Variants in ZCCHC2 observed in about 807,000 individuals in gnomAD.
ZCCHC2 encodes zinc finger CCHC-type containing 2, also known as zinc finger CCHC domain-containing protein 2.
A neutral mutation model predicts 103.6 loss-of-function variants in ZCCHC2; 39 were observed. That is an observed-to-expected ratio of 0.38 (90% CI 0.29 to 0.49). The LOEUF (loss-of-function observed/expected upper bound fraction) is 0.49, where lower values mean the gene tolerates loss of function less well. Ranked by LOEUF, ZCCHC2 falls within the 20% of genes least tolerant of loss-of-function variation. The pLI is 0.96. For synonymous variants in ZCCHC2, 687 were observed against 608.9 expected (o/e 1.13, Z -1.89); for missense variants, 1,483 against 1,491.0 (o/e 0.99, Z 0.09).
In ZCCHC2 at chr18:62,575,611, T is replaced by A; in HGVS notation, c.3469+61T>A. 5 of 1,535,544 alleles carry A rather than the reference T, an allele frequency of 3.3e-6. No individual in the cohort carries two copies. In the South Asian group the frequency reaches 6.2e-5, roughly 19 times the overall value. On this transcript the variant is annotated intron_variant, in intron 13 of 13. Transcript: ENST00000269499. ...GTTCACTCATTTCTCCTTCCTTTCC[T>A]TATTGATCATGGGATTCTGTTGTAG... is the stretch of plus-strand genomic sequence containing the variant.
At position 62,574,444 on chromosome 18, in the gene ZCCHC2, T is replaced by C; in HGVS notation, c.2363T>C (p.Leu788Ser). 1 of 1,614,024 alleles carries C rather than the reference T, an allele frequency of 6.2e-7. No homozygotes were observed. The highest frequency in any genetic ancestry group is 8.5e-7 in the Non-Finnish European group (1 of 1,179,904). ...CTGESEKHLE[L>S]LASPLPIPST... ...GGAGAATCGGAAAAGCACCTTGAGT[T>C]ACTGGCTTCCCCTTTACCTATTCCA... is the stretch of plus-strand genomic sequence containing the variant. Residue 788 changes from leucine (L) to serine (S), a missense_variant, in exon 13 of 14, where the codon TTA becomes TCA. Physicochemically the swap from Leu to Ser is moderately radical, Grantham distance 145. Transcript: ENST00000269499.
At position 62,523,830 on chromosome 18, in the gene ZCCHC2, G is replaced by T; in HGVS notation, c.406G>T (p.Asp136Tyr). Residue 136 changes from aspartate to tyrosine, a missense_variant, in exon 1 of 14, where the codon GAC becomes TAC. Asp to Tyr is a radical substitution (Grantham distance 160). Around this residue, in one of 3 missense-constraint regions of ZCCHC2, gnomAD observed 568 missense variants for 525.1 expected, o/e 1.08. Transcript: ENST00000269499. ...GCGCTTCCTTGGCTCGTGCCTGGAG[G>T]ACCTGGCGCGCAAGGACTACCACTA... The part of the protein sequence containing the change: ...ELRFLGSCLE[D>Y]LARKDYHYLR... 1 of 1,544,748 alleles carries T rather than the reference G, an allele frequency of 6.5e-7. No individual in the cohort carries two copies. Among genetic ancestry groups the T allele is most frequent in the Non-Finnish European group, 8.7e-7 (1 of 1,146,330 alleles).
rs538770563 is a variant in ZCCHC2, at chr18:62,526,602, G to A, written c.939+2239G>A. ...TCATTCGCTGCAGTCCGGCCCAGCT[G>A]TTCTCGGCCTCCCGCCGCCGCCGCC... On this transcript the variant is annotated intron_variant, in intron 1 of 13. Coordinates refer to ENST00000269499, the MANE Select transcript of ZCCHC2 (RefSeq NM_017742.6). Among the ~76,000 whole-genome samples, 766 of 152,306 alleles carry A rather than the reference G, an allele frequency of 5.0e-3. 5 individuals carry two copies. The highest frequency in any genetic ancestry group is 0.017 in the African/African-American group (724 of 41,568).
Position 62,574,939 on chromosome 18 carries a change from C to T in ZCCHC2, c.2858C>T (p.Ala953Val), listed in dbSNP as rs1174125453. 3.1e-6 allele frequency: 5 copies of T among 1,613,740 alleles called. No individual in the cohort carries two copies. In the African/African-American group the frequency reaches 6.7e-5, roughly 22 times the overall value. ...CCAGCGAGCGCAGGTATCAGCCAGGCCCAGGCAACTGTTCCTCCTGCAGTT... is the reference window on the plus strand; with the variant it reads ...CCAGCGAGCGCAGGTATCAGCCAGGTCCAGGCAACTGTTCCTCCTGCAGTT... ...PQPASAGISQ[A>V]QATVPPAVPT... Residue 953 changes from alanine (A) to valine (V), a missense_variant, in exon 13 of 14, where the codon GCC (alanine) becomes GTC (valine). By Grantham distance (64) the Ala-to-Val change is moderately conservative. Around this residue, in one of 3 missense-constraint regions of ZCCHC2, gnomAD observed 884 missense variants for 907.5 expected, o/e 0.97. Transcript: ENST00000269499.
intron 6 of ZCCHC2, among the ~76,000 whole-genome samples, chr18:62,558,130 G>T (rs1434635975): frequency 2.6e-5 from 4 of 152,012 alleles, no homozygotes; most frequent in Non-Finnish European, 5.9e-5. Flanking sequence ...TCCTGAATGA[G>T]TTAAGATGTT....
chr18:62,549,151 G>GGAGCTTGCAGTGAGCC (rs1401889684), intron 4 of ZCCHC2, among the ~76,000 whole-genome samples: 1 of 150,690 alleles, frequency 6.6e-6, no homozygotes, highest in Non-Finnish European at 1.5e-5. Context: ...CCCGGGAGGT[G>GGAGCTTGCAGTGAGCC]GAGCTTGCAG....
intron 1 of ZCCHC2, chr18:62,526,995 C>T (rs1470697840): frequency 9.2e-6 from 1 of 108,892 alleles, no homozygotes. Flanking sequence ...AAGGGAAATT[C>T]GTGTGGCAGC....
intron 11 of ZCCHC2, among the ~76,000 whole-genome samples, chr18:62,565,724 C>T (rs1377092046): frequency 1.3e-5 from 2 of 152,146 alleles, no homozygotes; most frequent in East Asian, 3.8e-4. Context: ...AGCACGCAGA[C>T]CTCTAGGAGA....
chr18:62,575,580 T>A, intron 13 of ZCCHC2, 30 bp downstream of exon 13: 1 of 1,590,832 alleles, frequency 6.3e-7, no homozygotes, highest in Non-Finnish European at 8.6e-7. Flanking sequence ...GAGGACTTGT[T>A]TTTGAGTTCA....
intron 7 of ZCCHC2, among the ~76,000 whole-genome samples, chr18:62,559,030 T>G (rs1916008897): frequency 6.6e-6 from 1 of 152,232 alleles, no homozygotes; most frequent in African/African-American, 2.4e-5. Context: ...AAAATAGGTA[T>G]AATTAGATTC....
intron 1 of ZCCHC2, among the ~76,000 whole-genome samples, chr18:62,535,846 A>G (rs142177532): frequency 1.3e-5 from 2 of 152,308 alleles, no homozygotes; most frequent in African/African-American, 4.8e-5. Context: ...GTTGTTATAT[A>G]TTGCTGTTAA....
intron 9 of ZCCHC2, 49 bp from the exon 10 acceptor site, chr18:62,564,522 C>T (rs779507905): frequency 2.4e-5 from 32 of 1,343,132 alleles, no homozygotes; most frequent in Non-Finnish European, 3.2e-5. Flanking sequence ...GTAAAAACGT[C>T]AAAATGGTTT....
chr18:62,536,587 T>C (rs536116890), intron 1 of ZCCHC2, among the ~76,000 whole-genome samples: 2 of 152,148 alleles, frequency 1.3e-5, no homozygotes, highest in East Asian at 1.9e-4. Flanking sequence ...AAAGAGGGAG[T>C]GCAGGGCAGA....
At chr18:62,561,826 C>G (rs1335889584) in intron 8 of ZCCHC2, among the ~76,000 whole-genome samples, 1 of 152,168 alleles carries the variant, frequency 6.6e-6, no homozygotes, top group East Asian at 1.9e-4. Flanking sequence ...CAGCAGTTTT[C>G]CTAGCTTCCT....
At chr18:62,566,652 T>C (rs1231198523) in intron 11 of ZCCHC2, among the ~76,000 whole-genome samples, 1 of 152,224 alleles carries the variant, frequency 6.6e-6, no homozygotes, top group Non-Finnish European at 1.5e-5. Flanking sequence ...TGCAACTGTT[T>C]TTTCGATGTT....
chr18:62,583,407 T>C (rs1917086133), downstream of ZCCHC2, among the ~76,000 whole-genome samples: 1 of 152,196 alleles, frequency 6.6e-6, no homozygotes, highest in Non-Finnish European at 1.5e-5. Flanking sequence ...ATTTAATTTT[T>C]TATGTAAGCA....
At chr18:62,563,981 G>A (rs1366196924) in intron 9 of ZCCHC2, among the ~76,000 whole-genome samples, 2 of 152,106 alleles carry the variant, frequency 1.3e-5, no homozygotes, top group African/African-American at 4.8e-5. Flanking sequence ...CTGTGTATAT[G>A]TTACAAGTAT....
chr18:62,562,146 G>A (rs1286159077), intron 8 of ZCCHC2, among the ~76,000 whole-genome samples: 5 of 151,852 alleles, frequency 3.3e-5, no homozygotes, highest in South Asian at 4.2e-4. Flanking sequence ...ACAGGCACCC[G>A]CCACCATGCC....
chr18:62,563,929 A>G (rs534323170), intron 9 of ZCCHC2, among the ~76,000 whole-genome samples: 1 of 152,266 alleles, frequency 6.6e-6, no homozygotes, highest in East Asian at 1.9e-4. Flanking sequence ...GCTGTTAAGT[A>G]TGTTTCATGT....
Sources: gnomAD v4.1 joint callset for allele counts (sites outside exome capture counted in the v4.1 genomes callset) on GRCh38, gnomAD v4.1.1 for gene constraint, gnomAD v4.1.1 regional missense constraint, MANE v1.5 for transcripts, NCBI Gene and HGNC (gene_info 2026-07-23, HGNC 2026-07-21) for gene names.